TRMT11: variants seen among roughly 807,000 people sequenced by gnomAD.
The protein encoded by TRMT11 is tRNA (guanine(10)-N(2))-methyltransferase TRMT11.
TRMT11 carries 53 observed loss-of-function variants against 62.8 expected under a neutral mutation model. The observed-to-expected ratio is 0.84, with a 90% confidence interval of 0.68 to 1.06. The LOEUF (loss-of-function observed/expected upper bound fraction) is 1.06. Among genes scored for constraint, TRMT11 ranks in the 50% least tolerant of loss-of-function variants. TRMT11 has a pLI of 0.00. For synonymous variants in TRMT11, 188 were observed against 190.3 expected (o/e 0.99, Z 0.10); for missense variants, 556 against 553.4 (o/e 1.00, Z -0.05).
the TRMT11 span, among the ~76,000 whole-genome samples, chr6:126,227,243 G>A: frequency 6.6e-6 from 1 of 152,242 alleles, no homozygotes; most frequent in Non-Finnish European, 1.5e-5. Flanking sequence ...ACAGACTTCA[G>A]TGTTTGTTTC....
chr6:125,991,624 A>G (rs1294996950), intron 1 of TRMT11, among the ~76,000 whole-genome samples: 1 of 152,108 alleles, frequency 6.6e-6, no homozygotes, highest in Non-Finnish European at 1.5e-5. Flanking sequence ...TATTAAAATC[A>G]GTGATATAGA....
At chr6:126,250,550 T>C in the TRMT11 span, among the ~76,000 whole-genome samples, 1 of 152,192 alleles carries the variant, frequency 6.6e-6, no homozygotes, top group African/African-American at 2.4e-5. Context: ...TCTGTATCTT[T>C]GTTCTCCTTT....
Position 126,149,185 on chromosome 6 carries a change from G to T in TRMT11, c.*1824-25640G>T, listed in dbSNP as rs543748291. Among the ~76,000 whole-genome samples the T allele has an allele frequency of 1.2e-4, 19 of 152,356 alleles. No individual in the cohort carries two copies. The East Asian group carries it at 3.3e-3, about 26-fold the overall frequency. On this transcript the variant is annotated intron_variant and NMD_transcript_variant, in intron 21 of 22. Coordinates refer to the TRMT11 transcript ENST00000648977. ...TTCTGGAAAGCCAGAAGGATGGTTT[G>T]TAATGAAGCAGAATGTTTTGCCCAG... is the stretch of plus-strand genomic sequence containing the variant.
rs574206613 is a variant in TRMT11 at position 126,055,338 on chromosome 6, T to C, written c.*1437+2148T>C. The stretch of plus-strand genomic sequence containing the variant: ...AGCATGGAATCCTCTAGCCCTTGCT[T>C]GTGGCCCGCCTGGTTTTCTCTAACA... On this transcript the variant is annotated intron_variant and NMD_transcript_variant, in intron 17 of 22. Transcript: ENST00000648977. Among the ~76,000 whole-genome samples, 27 of 152,328 alleles carry C rather than the reference T, an allele frequency of 1.8e-4. 1 individual carries two copies. The highest frequency in any genetic ancestry group is 7.8e-4 in the Admixed American group (12 of 15,298).
At chr6:126,048,956 ATG>A (rs1199055913) in intron 16 of TRMT11, among the ~76,000 whole-genome samples, 6 of 152,194 alleles carry the variant, frequency 3.9e-5, no homozygotes, top group Non-Finnish European at 8.8e-5. Context: ...AATCTGTGTC[ATG>A]TGTTTGGCTT....
At chr6:126,193,684 G>A (rs879416086) in intron 1 of TRMT11, among the ~76,000 whole-genome samples, 13 of 151,216 alleles carry the variant, frequency 8.6e-5, no homozygotes, top group South Asian at 2.1e-4. Flanking sequence ...TAGTAGAGAC[G>A]GGGTTTCACC....
At chr6:126,090,825 A>G (rs866815412) in intron 17 of TRMT11, among the ~76,000 whole-genome samples, 1 of 152,188 alleles carries the variant, frequency 6.6e-6, no homozygotes, top group African/African-American at 2.4e-5. Context: ...GGGAAACAGT[A>G]TCTGAATCCA....
chr6:126,042,341 C>T (rs1267489193), downstream of TRMT11, among the ~76,000 whole-genome samples: 1 of 152,102 alleles, frequency 6.6e-6, no homozygotes, highest in Non-Finnish European at 1.5e-5. Context: ...TAACTGAGGC[C>T]AACCTGGAAT....
intron 21 of TRMT11, among the ~76,000 whole-genome samples, chr6:126,149,250 C>T (rs979978604): frequency 4.6e-5 from 7 of 152,300 alleles, no homozygotes; most frequent in Admixed American, 1.3e-4. Context: ...TTTTCTTTGC[C>T]TGTTAAAGCC....
intron 1 of TRMT11, among the ~76,000 whole-genome samples, chr6:126,193,415 C>A (rs1778626491): frequency 6.6e-6 from 1 of 151,046 alleles, no homozygotes; most frequent in Non-Finnish European, 1.5e-5. Flanking sequence ...CTTCTACTAA[C>A]CATTATTTGC....
chr6:126,179,498 C>G (rs962885672), intron 1 of TRMT11, among the ~76,000 whole-genome samples: 7 of 152,330 alleles, frequency 4.6e-5, no homozygotes, highest in Non-Finnish European at 1.0e-4. Context: ...ACATTCCTCA[C>G]TTGGCTTCCA....
At chr6:126,174,666 A>G (rs943110054), upstream of TRMT11, among the ~76,000 whole-genome samples, 3 of 152,242 alleles carry the variant, frequency 2.0e-5, no homozygotes, top group African/African-American at 7.2e-5. Flanking sequence ...TCTCTTGTGG[A>G]CAAGTCAAAA....
chr6:126,033,077 A>G (rs1192669714), intron 12 of TRMT11, among the ~76,000 whole-genome samples: 2 of 152,198 alleles, frequency 1.3e-5, no homozygotes, highest in Non-Finnish European at 2.9e-5. Flanking sequence ...GTGGAAAATT[A>G]TAACACCTTC....
At position 126,105,312 on chromosome 6, in the gene TRMT11, G is replaced by T. The variant is rs145424667; in HGVS notation, c.*1438-7554G>T. Among the ~76,000 whole-genome samples, 1,170 of 152,260 alleles carry T rather than the reference G, an allele frequency of 7.7e-3. 12 individuals carry two copies. Among genetic ancestry groups the T allele is most frequent in the African/African-American group, 0.027 (1,131 of 41,548 alleles). ...CCAGCAAGAGACGGGGTGGTATCATGCCTTTAAATTGCTCACTGGGGTTTA... is the reference window on the plus strand; with the variant it reads ...CCAGCAAGAGACGGGGTGGTATCATTCCTTTAAATTGCTCACTGGGGTTTA... On this transcript the variant is annotated intron_variant and NMD_transcript_variant, in intron 17 of 22. Transcript: ENST00000648977.
At chr6:126,162,984 T>C (rs1045769805) in intron 21 of TRMT11, among the ~76,000 whole-genome samples, 12 of 152,230 alleles carry the variant, frequency 7.9e-5, no homozygotes, top group Non-Finnish European at 4.4e-5. Flanking sequence ...TTTCTGAATA[T>C]ACAATCATGT....
At chr6:126,081,290 C>T (rs1777152857) in intron 17 of TRMT11, among the ~76,000 whole-genome samples, 1 of 152,202 alleles carries the variant, frequency 6.6e-6, no homozygotes, top group African/African-American at 2.4e-5. Flanking sequence ...CCACTGGAAA[C>T]AGTCTGCTTT....
the TRMT11 span, among the ~76,000 whole-genome samples, chr6:126,213,771 CT>C: frequency 6.6e-6 from 1 of 152,040 alleles, no homozygotes; most frequent in African/African-American, 2.4e-5. Context: ...CTAGCTAGGA[CT>C]TCCAGTACTA....
At chr6:126,193,490 ATTTTTTTTTTTT>A (rs60064329) in intron 1 of TRMT11, among the ~76,000 whole-genome samples, 79 of 73,286 alleles carry the variant, frequency 1.1e-3, no homozygotes, top group African/African-American at 4.4e-3. Flanking sequence ...GCGTTTCTGT[ATTTTTTTTTTTT>A]TTTTTTTTTT....
intron 18 of TRMT11, among the ~76,000 whole-genome samples, chr6:126,113,208 TG>T (rs1387811578): frequency 6.6e-6 from 1 of 152,108 alleles, no homozygotes; most frequent in African/African-American, 2.4e-5. Context: ...TGTAGTATTT[TG>T]ACTGCTTCTA....
Sources: gnomAD v4.1 joint callset for allele counts (sites outside exome capture counted in the v4.1 genomes callset) on GRCh38, gnomAD v4.1.1 for gene constraint, MANE v1.5 for transcripts, NCBI Gene and HGNC (gene_info 2026-07-23, HGNC 2026-07-21) for gene names.